EEFSEC: variants seen among roughly 807,000 people sequenced by gnomAD.
The protein encoded by EEFSEC is selenocysteine-specific elongation factor.
EEFSEC carries 43 observed loss-of-function variants against 42.1 expected under a neutral mutation model. That is an observed-to-expected ratio of 1.02 (90% CI 0.80 to 1.32). EEFSEC has a LOEUF of 1.32. Ranked by LOEUF, EEFSEC falls within the 40% of genes most tolerant of loss-of-function variation. The pLI, the probability that EEFSEC is intolerant of heterozygous loss-of-function variation, is 0.00. For synonymous variants in EEFSEC, 354 were observed against 339.1 expected, an observed-to-expected ratio of 1.04 and a Z score of -0.48; for missense variants, 745 against 803.6, an observed-to-expected ratio of 0.93 and a Z score of 0.88.
intron 4 of EEFSEC, among the ~76,000 whole-genome samples, chr3:128,337,261 T>C (rs1198651914): frequency 1.3e-5 from 2 of 152,222 alleles, no homozygotes; most frequent in Non-Finnish European, 2.9e-5. Flanking sequence ...CCCATCTTTA[T>C]CTGCTGCACA....
chr3:128,315,977 A>G (rs2066940454), intron 4 of EEFSEC, among the ~76,000 whole-genome samples: 1 of 152,238 alleles, frequency 6.6e-6, no homozygotes, highest in Admixed American at 6.5e-5. Flanking sequence ...TATTGGTTGC[A>G]TAATATTAAA....
At chr3:128,159,405 C>T (rs1371247298) in intron 1 of EEFSEC, among the ~76,000 whole-genome samples, 1 of 152,254 alleles carries the variant, frequency 6.6e-6, no homozygotes, top group Non-Finnish European at 1.5e-5. Flanking sequence ...ACCTGGACTT[C>T]TACAGTTCTG....
At chr3:128,208,151 G>A (rs1338700181) in intron 1 of EEFSEC, among the ~76,000 whole-genome samples, 5 of 152,206 alleles carry the variant, frequency 3.3e-5, no homozygotes, top group African/African-American at 1.2e-4. Context: ...AAATGGAGCA[G>A]CCCACATAGT....
intron 4 of EEFSEC, among the ~76,000 whole-genome samples, chr3:128,275,516 A>G (rs2066458742): frequency 6.6e-6 from 1 of 152,222 alleles, no homozygotes; most frequent in Admixed American, 6.5e-5. Context: ...TCAGAGCCCA[A>G]GCTGGCCCTG....
At chr3:128,338,293 C>G (rs978690741) in intron 4 of EEFSEC, among the ~76,000 whole-genome samples, 1 of 152,268 alleles carries the variant, frequency 6.6e-6, no homozygotes, top group East Asian at 1.9e-4. Flanking sequence ...GGCACCCTCC[C>G]GCTGGGGCAG....
At chr3:128,180,731 C>A (rs972730626) in intron 1 of EEFSEC, among the ~76,000 whole-genome samples, 1 of 152,192 alleles carries the variant, frequency 6.6e-6, no homozygotes, top group Non-Finnish European at 1.5e-5. Flanking sequence ...GCAGCAGGTC[C>A]AGAGCCAGCA....
chr3:128,324,353 C>T (rs1198694192), intron 4 of EEFSEC, among the ~76,000 whole-genome samples: 1 of 152,132 alleles, frequency 6.6e-6, no homozygotes, highest in East Asian at 1.9e-4. Flanking sequence ...GGGATTTATT[C>T]TCCTCTGCCA....
chr3:128,283,435 G>C (rs2066550434), intron 4 of EEFSEC, among the ~76,000 whole-genome samples: 1 of 152,176 alleles, frequency 6.6e-6, no homozygotes. Context: ...GTGGGGCTTG[G>C]AAGCTGTCAG....
At chr3:128,390,262 T>C (rs1559954403) in intron 6 of EEFSEC, among the ~76,000 whole-genome samples, 1 of 152,228 alleles carries the variant, frequency 6.6e-6, no homozygotes, top group Non-Finnish European at 1.5e-5. Context: ...TCATTCATCC[T>C]CTCACCTGTC....
At chr3:128,340,379 A>G (rs746313445) in intron 4 of EEFSEC, among the ~76,000 whole-genome samples, 1 of 149,742 alleles carries the variant, frequency 6.7e-6, no homozygotes, top group Non-Finnish European at 1.5e-5. Flanking sequence ...TTATATAATT[A>G]TATTAATATA....
At chr3:128,194,878 A>G (rs1490766197) in intron 1 of EEFSEC, among the ~76,000 whole-genome samples, 2 of 152,226 alleles carry the variant, frequency 1.3e-5, no homozygotes, top group Admixed American at 6.5e-5. Flanking sequence ...GTGACTTTTA[A>G]TTTCCTTTTA....
At chr3:128,249,076 T>G (rs145617793) in intron 2 of EEFSEC, among the ~76,000 whole-genome samples, 1 of 152,376 alleles carries the variant, frequency 6.6e-6, no homozygotes, top group African/African-American at 2.4e-5. Context: ...TGATTTTAAG[T>G]GACTATTTCA....
chr3:128,205,930 G>A (rs758182959), intron 1 of EEFSEC, among the ~76,000 whole-genome samples: 1 of 152,200 alleles, frequency 6.6e-6, no homozygotes, highest in Non-Finnish European at 1.5e-5. Flanking sequence ...ACAGCATTTT[G>A]GGAGTGGGGT....
intron 5 of EEFSEC, among the ~76,000 whole-genome samples, chr3:128,355,609 TA>T (rs5852542): frequency 0.53 from 65,494 of 122,532 alleles, 16,108 homozygotes; most frequent in Middle Eastern, 0.65. Flanking sequence ...AATGAAGCTG[TA>T]AAAAAAAAAA....
intron 4 of EEFSEC, among the ~76,000 whole-genome samples, chr3:128,299,424 TTTTG>T (rs373396987): frequency 3.9e-5 from 6 of 152,176 alleles, no homozygotes; most frequent in Non-Finnish European, 7.3e-5. Flanking sequence ...ATTTATGTGT[TTTTG>T]TTTGTTTGTT....
At chr3:128,419,701 C>G in the EEFSEC span, among the ~76,000 whole-genome samples, 1 of 152,166 alleles carries the variant, frequency 6.6e-6, no homozygotes, top group South Asian at 2.1e-4. Context: ...GGAATAAGAG[C>G]CACACCGGCA....
At chr3:128,369,059 T>A (rs2067623823) in intron 6 of EEFSEC, among the ~76,000 whole-genome samples, 1 of 152,268 alleles carries the variant, frequency 6.6e-6, no homozygotes, top group Non-Finnish European at 1.5e-5. Flanking sequence ...CTCTTCCTCC[T>A]GCTGCAGCCT....
intron 5 of EEFSEC, among the ~76,000 whole-genome samples, chr3:128,350,902 G>A (rs2067377482): frequency 6.6e-6 from 1 of 152,164 alleles, no homozygotes; most frequent in Admixed American, 6.5e-5. Flanking sequence ...CTGTCCGTGG[G>A]GAAAGTTTTC....
intron 4 of EEFSEC, among the ~76,000 whole-genome samples, chr3:128,293,985 C>G (rs1043762094): frequency 3.9e-5 from 6 of 152,228 alleles, no homozygotes; most frequent in African/African-American, 1.2e-4. Context: ...GGCTGCTTCT[C>G]CCCTTTGGAC....
Sources: gnomAD v4.1 joint callset for allele counts (sites outside exome capture counted in the v4.1 genomes callset) on GRCh38, gnomAD v4.1.1 for gene constraint, MANE v1.5 for transcripts, NCBI Gene and HGNC (gene_info 2026-07-23, HGNC 2026-07-21) for gene names.